CACNA2D3: variants seen among roughly 807,000 people sequenced by gnomAD.
CACNA2D3 encodes calcium voltage-gated channel auxiliary subunit alpha2delta 3, also known as voltage-dependent calcium channel subunit alpha-2/delta-3.
Under a neutral mutation model 160.6 loss-of-function variants are expected in CACNA2D3, and 60 were observed. The observed-to-expected ratio is 0.37, with a 90% CI of 0.30 to 0.46. The LOEUF is 0.46. Ranked by LOEUF, CACNA2D3 falls within the 20% of genes least tolerant of loss-of-function variation. CACNA2D3 has a pLI of 1.00. For synonymous variants in CACNA2D3, 558 were observed against 492.9 expected, an observed-to-expected ratio of 1.13 and a Z score of -1.75; for missense variants, 1,205 against 1,365.0, an observed-to-expected ratio of 0.88 and a Z score of 1.85.
intron 27 of CACNA2D3, among the ~76,000 whole-genome samples, chr3:54,931,158 A>G (rs939835015): frequency 6.6e-6 from 1 of 152,180 alleles, no homozygotes; most frequent in Admixed American, 6.5e-5. Flanking sequence ...GACTTCAAAG[A>G]GTCTGAGCTG....
intron 17 of CACNA2D3, among the ~76,000 whole-genome samples, chr3:54,858,532 A>G (rs1258080762): frequency 6.6e-6 from 1 of 152,226 alleles, no homozygotes. Flanking sequence ...AGCTTGGAGA[A>G]AGCCTGAGAA....
chr3:54,294,299 T>C (rs1559912478), intron 2 of CACNA2D3, among the ~76,000 whole-genome samples: 3 of 152,192 alleles, frequency 2.0e-5, no homozygotes, highest in Admixed American at 6.5e-5. Flanking sequence ...TTTCTGCCAC[T>C]TTCCAAAGAA....
intron 10 of CACNA2D3, among the ~76,000 whole-genome samples, chr3:54,628,801 C>A (rs1307411800): frequency 6.6e-6 from 1 of 152,076 alleles, no homozygotes; most frequent in African/African-American, 2.4e-5. Context: ...CTCTCTAGGG[C>A]AGGGGGTACA....
chr3:54,941,988 C>T (rs532720289), intron 27 of CACNA2D3, among the ~76,000 whole-genome samples: 1 of 152,338 alleles, frequency 6.6e-6, no homozygotes, highest in African/African-American at 2.4e-5. Context: ...ATTTGAAAAT[C>T]ATTCCATCCA....
In CACNA2D3 at chr3:54,320,453, G is replaced by C; in HGVS notation, c.216G>C (p.Glu72Asp). 1.3e-6 allele frequency: 2 copies of C among 1,534,972 alleles called. No individual in the cohort carries two copies. Among genetic ancestry groups the C allele is most frequent in the Non-Finnish European group, 1.8e-6 (2 of 1,130,890 alleles). Residue 72 changes from glutamate to aspartate, a missense_variant, in exon 3 of 38, where the codon GAG (glutamate) becomes GAC (aspartate). Glu to Asp is a conservative substitution (Grantham distance 45). This residue lies in a region of CACNA2D3 where 163 missense variants were observed against 161.3 expected (regional missense o/e 1.01). Transcript: ENST00000474759. ...CTCTCTTCTTACAGAAATACAAAGA[G>C]TATGAGAAAGACGTTGCCATAGAAG... Reference protein sequence around the residue: ...GSQLLQKKYKEYEKDVAIEEI... With the variant: ...GSQLLQKKYKDYEKDVAIEEI...
chr3:54,327,997 G>A (rs1228923520), intron 3 of CACNA2D3, among the ~76,000 whole-genome samples: 1 of 152,170 alleles, frequency 6.6e-6, no homozygotes, highest in Non-Finnish European at 1.5e-5. Flanking sequence ...AACATTGATG[G>A]CATCCGTAGT....
intron 27 of CACNA2D3, among the ~76,000 whole-genome samples, chr3:54,943,203 T>TAAAAAAAAAAA (rs34708598): frequency 3.7e-4 from 52 of 142,146 alleles, no homozygotes; most frequent in African/African-American, 1.3e-3. Flanking sequence ...CTATCTCTGG[T>TAAAAAAAAAAA]AAAAAAAAAA....
chr3:54,845,002 G>A (rs557185434), intron 16 of CACNA2D3, among the ~76,000 whole-genome samples: 38 of 152,190 alleles, frequency 2.5e-4, no homozygotes, highest in African/African-American at 8.7e-4. Context: ...TTAATGCAGC[G>A]TTGACTGTGT....
chr3:54,226,759 C>T (rs1701681559), intron 2 of CACNA2D3, among the ~76,000 whole-genome samples: 1 of 152,148 alleles, frequency 6.6e-6, no homozygotes, highest in African/African-American at 2.4e-5. Flanking sequence ...TTTGATTTAT[C>T]CAGTGCCTCA....
At position 54,707,610 on chromosome 3, in the gene CACNA2D3, C is replaced by G. The variant is rs980553884; in HGVS notation, c.1168-44989C>G. ...TTATCTGTGGAATTTTCTTTGTAGTCCCAGTATCAGAGTGTGGCTAATGTC... is the reference window on the plus strand; with the variant it reads ...TTATCTGTGGAATTTTCTTTGTAGTGCCAGTATCAGAGTGTGGCTAATGTC... On this transcript the variant is annotated intron_variant, in intron 11 of 37. Transcript: ENST00000474759. Among the ~76,000 whole-genome samples the G allele has an allele frequency of 3.3e-5, 5 of 152,092 alleles. No individual in the cohort carries two copies. In the East Asian group the frequency reaches 7.7e-4, roughly 23 times the overall value.
intron 4 of CACNA2D3, among the ~76,000 whole-genome samples, chr3:54,427,896 G>A (rs1337592035): frequency 6.6e-6 from 1 of 152,190 alleles, no homozygotes; most frequent in East Asian, 1.9e-4. Flanking sequence ...TGGCAGCAAG[G>A]AGCTTCTTTT....
intron 35 of CACNA2D3, among the ~76,000 whole-genome samples, chr3:55,029,423 C>G (rs1271525590): frequency 6.6e-6 from 1 of 152,132 alleles, no homozygotes; most frequent in Admixed American, 6.5e-5. Flanking sequence ...AGAATAAATG[C>G]TTCATAAATG....
chr3:54,464,327 C>T (rs1281674151), intron 4 of CACNA2D3, among the ~76,000 whole-genome samples: 1 of 152,204 alleles, frequency 6.6e-6, no homozygotes, highest in Non-Finnish European at 1.5e-5. Context: ...ACATTTAAGT[C>T]TGCAGAGGTT....
intron 2 of CACNA2D3, among the ~76,000 whole-genome samples, chr3:54,291,222 A>G (rs567284889): frequency 1.3e-5 from 2 of 152,304 alleles, no homozygotes; most frequent in East Asian, 1.9e-4. Context: ...TATCATGAAC[A>G]TATATTACTT....
At chr3:54,360,321 G>T (rs1354528834) in intron 3 of CACNA2D3, among the ~76,000 whole-genome samples, 1 of 152,200 alleles carries the variant, frequency 6.6e-6, no homozygotes, top group Non-Finnish European at 1.5e-5. Flanking sequence ...TCTTCAAACA[G>T]ATGAATGAAA....
chr3:54,957,472 T>C (rs556525476), intron 27 of CACNA2D3, among the ~76,000 whole-genome samples: 4 of 152,190 alleles, frequency 2.6e-5, no homozygotes, highest in Admixed American at 6.5e-5. Context: ...CATCATGGAA[T>C]AAGTCTTAGG....
intron 27 of CACNA2D3, among the ~76,000 whole-genome samples, chr3:54,912,665 T>C (rs1021203408): frequency 2.6e-5 from 4 of 152,084 alleles, no homozygotes; most frequent in African/African-American, 9.7e-5. Flanking sequence ...AAACTCTTCC[T>C]CTTCCATATC....
chr3:55,014,575 C>T (rs1301523311), intron 34 of CACNA2D3, among the ~76,000 whole-genome samples: 1 of 151,938 alleles, frequency 6.6e-6, no homozygotes, highest in Non-Finnish European at 1.5e-5. Context: ...ACTAAAAATA[C>T]AAAAAAACTA....
chr3:54,146,983 A>G (rs1439730117), intron 2 of CACNA2D3, among the ~76,000 whole-genome samples: 2 of 152,284 alleles, frequency 1.3e-5, no homozygotes, highest in African/African-American at 4.8e-5. Flanking sequence ...AAGTTTCAGC[A>G]AAGAGGGAAA....
Sources: allele counts gnomAD v4.1 joint callset (sites outside exome capture counted in the v4.1 genomes callset), GRCh38; gene constraint gnomAD v4.1.1; regional missense constraint gnomAD v4.1.1; transcripts MANE v1.5; gene names NCBI Gene and HGNC (gene_info 2026-07-23, HGNC 2026-07-21).